Variants in PRKN observed in about 807,000 individuals in gnomAD.
The protein encoded by PRKN is parkin RBR E3 ubiquitin protein ligase.
PRKN carries 56 observed loss-of-function variants against 59.5 expected under a neutral mutation model. That is an observed-to-expected ratio of 0.94 (90% CI 0.76 to 1.18). The LOEUF (loss-of-function observed/expected upper bound fraction) is 1.18, where lower values mean the gene tolerates loss of function less well. Among genes scored for constraint, PRKN ranks in the 50% most tolerant of loss-of-function variants. The pLI is 0.00. For synonymous variants in PRKN, 250 were observed against 222.1 expected (o/e 1.13, Z -1.12); for missense variants, 657 against 596.4 (o/e 1.10, Z -1.06).
At chr6:162,480,018 T>C (rs187007520) in intron 1 of PRKN, among the ~76,000 whole-genome samples, 4 of 151,876 alleles carry the variant, frequency 2.6e-5, no homozygotes, top group East Asian at 3.9e-4. Context: ...TGGGCCAAGA[T>C]TGTGCCACTG....
intron 5 of PRKN, among the ~76,000 whole-genome samples, chr6:162,008,279 C>T (rs548197941): frequency 7.5e-4 from 114 of 152,262 alleles, no homozygotes; most frequent in African/African-American, 2.6e-3. Context: ...AGAATGCCTG[C>T]TATTTGTCTC....
In PRKN at chr6:161,680,754, TATATATA is replaced by T. The variant is rs1156420843; in HGVS notation, c.871+105011_871+105017del. The stretch of plus-strand genomic sequence containing the variant: ...ATATATATATATATATATATATATA[TATATATA>T]TATATATATATATATTTTTTTTTTT... On this transcript the variant is annotated intron_variant, in intron 7 of 11. Transcript: ENST00000366898. 9.2e-3 allele frequency among the ~76,000 whole-genome samples: 215 copies of T among 23,318 alleles called. 22 individuals carry two copies. Among genetic ancestry groups the T allele is most frequent in the African/African-American group, 0.027 (211 of 7,798 alleles). 15.3% of individuals were successfully genotyped at this position (23,318 alleles called of 152,430 possible).
chr6:161,416,195 T>C (rs1206229913), intron 9 of PRKN, among the ~76,000 whole-genome samples: 2 of 152,156 alleles, frequency 1.3e-5, no homozygotes, highest in Non-Finnish European at 2.9e-5. Flanking sequence ...TCGTGTATTG[T>C]CTGTGGCCAC....
intron 1 of PRKN, among the ~76,000 whole-genome samples, chr6:162,590,912 T>G (rs548374577): frequency 6.6e-6 from 1 of 152,056 alleles, no homozygotes; most frequent in African/African-American, 2.4e-5. Flanking sequence ...GACTATCCTC[T>G]CCAGGCCTCG....
At position 162,452,438 on chromosome 6, in the gene PRKN, CAT is replaced by C. The variant is rs559992851; in HGVS notation, c.8-8967_8-8966del. Among the ~76,000 whole-genome samples the C allele has an allele frequency of 2.6e-5, 4 of 151,846 alleles. No individual in the cohort carries two copies. The East Asian group carries it at 7.7e-4, about 29-fold the overall frequency. Reference sequence around the variant, plus strand: ...ATTCTATTCCATGGGGAGTTTAGAACATATAATATGTATGCCAAGTATGGCAT... The same window carrying C: ...ATTCTATTCCATGGGGAGTTTAGAACATAATATGTATGCCAAGTATGGCAT... On this transcript the variant is annotated intron_variant, in intron 1 of 11. Coordinates refer to ENST00000366898, the MANE Select transcript of PRKN (RefSeq NM_004562.3).
intron 1 of PRKN, among the ~76,000 whole-genome samples, chr6:162,476,972 T>C (rs1207420764): frequency 6.6e-6 from 1 of 152,180 alleles, no homozygotes; most frequent in Non-Finnish European, 1.5e-5. Context: ...TGTAAAACTC[T>C]GACTCTTGCC....
intron 5 of PRKN, among the ~76,000 whole-genome samples, chr6:162,010,592 AATATAAT>A (rs1782516821): frequency 3.5e-4 from 1 of 2,866 alleles, no homozygotes; most frequent in Non-Finnish European, 4.3e-4. Flanking sequence ...TATTATATAT[AATATAAT>A]ATATATTATA....
chr6:162,533,367 T>TA (rs1187155090), intron 1 of PRKN, among the ~76,000 whole-genome samples: 1 of 151,716 alleles, frequency 6.6e-6, no homozygotes, highest in African/African-American at 2.4e-5. Context: ...CTACTATAAA[T>TA]ACAAAAAAAA....
At chr6:162,389,443 A>G (rs1013190253) in intron 2 of PRKN, among the ~76,000 whole-genome samples, 3 of 152,234 alleles carry the variant, frequency 2.0e-5, no homozygotes, top group Non-Finnish European at 4.4e-5. Context: ...CAAGTATCAA[A>G]CAATGATTAA....
intron 6 of PRKN, among the ~76,000 whole-genome samples, chr6:161,845,942 A>G (rs1246167704): frequency 6.6e-6 from 1 of 152,186 alleles, no homozygotes. Flanking sequence ...TGCCAACTCC[A>G]TTTTAGGTTA....
chr6:161,590,481 C>T (rs192636097), intron 7 of PRKN, among the ~76,000 whole-genome samples: 195 of 152,228 alleles, frequency 1.3e-3, no homozygotes, highest in Non-Finnish European at 2.5e-3. Context: ...GCCTGTAATC[C>T]CAGAACTTTG....
At chr6:162,236,324 G>C (rs998742624) in intron 3 of PRKN, among the ~76,000 whole-genome samples, 1 of 152,160 alleles carries the variant, frequency 6.6e-6, no homozygotes, top group Non-Finnish European at 1.5e-5. Flanking sequence ...ATTTGGTGAA[G>C]GTTCTCTCTA....
chr6:162,031,996 A>C (rs1277511801), intron 5 of PRKN, among the ~76,000 whole-genome samples: 1 of 152,212 alleles, frequency 6.6e-6, no homozygotes, highest in African/African-American at 2.4e-5. Flanking sequence ...TTCCAAATTC[A>C]AAATTGTTTA....
intron 3 of PRKN, among the ~76,000 whole-genome samples, chr6:162,241,859 T>C (rs1250640384): frequency 6.6e-6 from 1 of 152,092 alleles, no homozygotes; most frequent in Non-Finnish European, 1.5e-5. Context: ...TCAACTTTGA[T>C]GAAGTCACTT....
chr6:162,217,198 C>G (rs1234481459), intron 3 of PRKN, among the ~76,000 whole-genome samples: 1 of 152,124 alleles, frequency 6.6e-6, no homozygotes, highest in Non-Finnish European at 1.5e-5. Context: ...TGAACCAAGG[C>G]CCAATCATTT....
chr6:161,709,064 T>C (rs1786632672), intron 7 of PRKN, among the ~76,000 whole-genome samples: 1 of 152,172 alleles, frequency 6.6e-6, no homozygotes, highest in African/African-American at 2.4e-5. Context: ...CTTTAAAGAG[T>C]TAAATATGAC....
intron 4 of PRKN, among the ~76,000 whole-genome samples, chr6:162,133,282 G>T (rs948991123): frequency 6.6e-6 from 1 of 152,264 alleles, no homozygotes; most frequent in Admixed American, 6.5e-5. Context: ...GAAGTGATCG[G>T]ATTCAAGGTC....
In PRKN at chr6:162,583,482, T is replaced by C. The variant is rs573790495; in HGVS notation, c.8-140009A>G. ...CACCTGTGAATATAATAGTCTCATA[T>C]CCAAAAGGGCTGGCTGGTGCTGGGA... On this transcript the variant is annotated intron_variant, in intron 1 of 11. Transcript: ENST00000366898. 5.9e-5 allele frequency among the ~76,000 whole-genome samples: 9 copies of C among 152,314 alleles called. No homozygotes were observed. The South Asian group carries it at 1.9e-3, about 32-fold the overall frequency.
At chr6:161,714,443 AAGG>A (rs1295802816) in intron 7 of PRKN, among the ~76,000 whole-genome samples, 1 of 152,136 alleles carries the variant, frequency 6.6e-6, no homozygotes, top group Non-Finnish European at 1.5e-5. Context: ...AAGACACAGC[AAGG>A]AGGTGTCATC....
Sources: allele counts gnomAD v4.1 joint callset (sites outside exome capture counted in the v4.1 genomes callset), GRCh38; gene constraint gnomAD v4.1.1; transcripts MANE v1.5; gene names NCBI Gene and HGNC (gene_info 2026-07-23, HGNC 2026-07-21).